The following DSCAM variants were observed in gnomAD, a reference collection of about 807,000 sequenced individuals.
DSCAM encodes the protein cell adhesion molecule DSCAM.
A neutral mutation model predicts 217.7 loss-of-function variants in DSCAM; 47 were observed. That is an observed-to-expected ratio of 0.22 (90% CI 0.17 to 0.28). DSCAM has a LOEUF of 0.28. DSCAM is among the 10% of genes least tolerant of loss of function. The pLI, the probability that DSCAM is intolerant of heterozygous loss-of-function variation, is 1.00. For missense variants in DSCAM, 2,080 were observed against 2,618.3 expected (o/e 0.79, Z 4.49); for synonymous variants, 1,056 against 1,015.3 (o/e 1.04, Z -0.76).
intron 8 of DSCAM, among the ~76,000 whole-genome samples, chr21:40,335,277 A>G (rs192364850): frequency 6.6e-6 from 1 of 152,326 alleles, no homozygotes; most frequent in Admixed American, 6.5e-5. Context: ...TTTTGTTTGC[A>G]AGTACTTGCA....
At chr21:40,155,343 G>A (rs2090464809) in intron 16 of DSCAM, among the ~76,000 whole-genome samples, 1 of 152,186 alleles carries the variant, frequency 6.6e-6, no homozygotes, top group Non-Finnish European at 1.5e-5. Context: ...CAAAAGAGGG[G>A]GTATGCTAGT....
chr21:40,746,684 A>G (rs2091178210), intron 1 of DSCAM, among the ~76,000 whole-genome samples: 1 of 151,918 alleles, frequency 6.6e-6, no homozygotes, highest in African/African-American at 2.4e-5. Context: ...ACCAACAAAG[A>G]GACGTTGGAT....
At chr21:40,634,785 C>T (rs79343375) in intron 3 of DSCAM, among the ~76,000 whole-genome samples, 1 of 152,256 alleles carries the variant, frequency 6.6e-6, no homozygotes, top group East Asian at 1.9e-4. Flanking sequence ...AATAACTGAG[C>T]GAGAAGAAAG....
chr21:40,080,187 A>T lies in DSCAM; in HGVS notation c.4385T>A (p.Ile1462Lys), dbSNP rs773641399. The T allele has an allele frequency of 6.3e-7, 1 of 1,593,338 alleles. No homozygotes were observed. Among genetic ancestry groups the T allele is most frequent in the South Asian group, 1.1e-5 (1 of 90,726 alleles). Residue 1462 changes from isoleucine to lysine, a missense_variant, in exon 25 of 33, where the codon ATA becomes AAA. This residue lies in a region of DSCAM where 1,144 missense variants were observed against 1,421.1 expected (regional missense o/e 0.81). Transcript: ENST00000400454. Reference sequence around the variant, plus strand: ...GGTCTTTGCTTCTATGATTTCACTTATGCGCCCTGGGCCCACTCCATTTTG... The same window carrying T: ...GGTCTTTGCTTCTATGATTTCACTTTTGCGCCCTGGGCCCACTCCATTTTG... The part of the protein sequence containing the change: ...TAQNGVGPGR[I>K]SEIIEAKTLG...
At chr21:40,078,486 T>A (rs994483620) in intron 26 of DSCAM, among the ~76,000 whole-genome samples, 1 of 152,180 alleles carries the variant, frequency 6.6e-6, no homozygotes, top group Non-Finnish European at 1.5e-5. Context: ...GAGTCTCTTA[T>A]TTCTGGACAC....
intron 3 of DSCAM, among the ~76,000 whole-genome samples, chr21:40,530,545 C>T (rs1400849909): frequency 6.6e-6 from 1 of 152,158 alleles, no homozygotes; most frequent in East Asian, 1.9e-4. Context: ...GACTCAAGTG[C>T]TTGGCTAATT....
At chr21:40,406,747 T>A (rs912057201) in intron 3 of DSCAM, among the ~76,000 whole-genome samples, 4 of 152,118 alleles carry the variant, frequency 2.6e-5, no homozygotes, top group Admixed American at 2.6e-4. Flanking sequence ...TGTGCCACCA[T>A]ACATGCTAAT....
At chr21:40,755,755 A>G (rs1052355448) in intron 1 of DSCAM, among the ~76,000 whole-genome samples, 43 of 152,218 alleles carry the variant, frequency 2.8e-4, no homozygotes, top group Non-Finnish European at 5.4e-4. Context: ...TGAGATGCTC[A>G]TACATCTTGA....
chr21:40,566,906 A>G (rs903702844), intron 3 of DSCAM, among the ~76,000 whole-genome samples: 4 of 152,126 alleles, frequency 2.6e-5, no homozygotes, highest in African/African-American at 4.8e-5. Context: ...GAGACACAGG[A>G]AAGTGGGGAT....
chr21:40,199,796 A>G (rs1338168405), intron 11 of DSCAM, among the ~76,000 whole-genome samples: 1 of 152,172 alleles, frequency 6.6e-6, no homozygotes, highest in African/African-American at 2.4e-5. Flanking sequence ...AAGGGGAGGG[A>G]GAGCATTAGG....
At chr21:40,582,101 C>T (rs925226506) in intron 3 of DSCAM, among the ~76,000 whole-genome samples, 12 of 152,100 alleles carry the variant, frequency 7.9e-5, no homozygotes, top group African/African-American at 2.4e-4. Context: ...CAGTATTTAA[C>T]GGTACCTGAT....
At chr21:40,052,961 G>C (rs932158003) in intron 29 of DSCAM, among the ~76,000 whole-genome samples, 2 of 152,268 alleles carry the variant, frequency 1.3e-5, no homozygotes. Context: ...TTTACTCCAA[G>C]GGAGACTTTG....
At chr21:40,341,762 T>G (rs2074494095) in intron 6 of DSCAM, among the ~76,000 whole-genome samples, 1 of 152,206 alleles carries the variant, frequency 6.6e-6, no homozygotes, top group African/African-American at 2.4e-5. Flanking sequence ...GATGTAACTT[T>G]GGAACAGTAC....
At chr21:40,270,315 T>C (rs1049008010) in intron 11 of DSCAM, among the ~76,000 whole-genome samples, 2 of 152,210 alleles carry the variant, frequency 1.3e-5, no homozygotes, top group Admixed American at 1.3e-4. Context: ...CTCTGAAGCT[T>C]CTGCGGGAGA....
chr21:40,517,293 T>A (rs1178391645), intron 3 of DSCAM, among the ~76,000 whole-genome samples: 1 of 150,290 alleles, frequency 6.7e-6, no homozygotes, highest in Non-Finnish European at 1.5e-5. Context: ...TTTATATATT[T>A]ATATATAAAT....
intron 3 of DSCAM, among the ~76,000 whole-genome samples, chr21:40,540,933 G>T (rs1306262155): frequency 6.6e-6 from 1 of 151,910 alleles, no homozygotes; most frequent in Non-Finnish European, 1.5e-5. Flanking sequence ...TCGCTGTGTG[G>T]CCCAGGCATG....
At chr21:40,833,338 C>G (rs1017131604) in intron 1 of DSCAM, among the ~76,000 whole-genome samples, 1 of 152,146 alleles carries the variant, frequency 6.6e-6, no homozygotes, top group Non-Finnish European at 1.5e-5. Context: ...TCCCTTTTAC[C>G]AGGCAACAAA....
intron 1 of DSCAM, among the ~76,000 whole-genome samples, chr21:40,802,790 C>T (rs116929686): frequency 0.01 from 1,563 of 152,332 alleles, 15 homozygotes; most frequent in Middle Eastern, 0.02. Context: ...CCAGATGTGG[C>T]CCCTTGACCT....
intron 11 of DSCAM, among the ~76,000 whole-genome samples, chr21:40,244,865 T>G (rs2073201745): frequency 6.6e-6 from 1 of 152,148 alleles, no homozygotes; most frequent in Non-Finnish European, 1.5e-5. Context: ...CTGTTATGAT[T>G]TGCATGCAGA....
Sources: gnomAD v4.1 joint callset for allele counts (sites outside exome capture counted in the v4.1 genomes callset) on GRCh38, gnomAD v4.1.1 for gene constraint, gnomAD v4.1.1 regional missense constraint, MANE v1.5 for transcripts, NCBI Gene and HGNC (gene_info 2026-07-23, HGNC 2026-07-21) for gene names.